Variants in VPS13B observed in about 807,000 individuals in gnomAD.
VPS13B encodes the protein vacuolar protein sorting 13 homolog B.
VPS13B carries 285 observed loss-of-function variants against 426.4 expected under a neutral mutation model. The ratio of observed to expected loss-of-function variants is 0.67; its 90% CI spans 0.61 to 0.74. The LOEUF is 0.74. Among genes scored for constraint, VPS13B ranks in the 30% least tolerant of loss-of-function variants. The pLI is 0.00. For missense variants in VPS13B, 4,537 were observed against 4,782.6 expected (o/e 0.95, Z 1.51); for synonymous variants, 1,676 against 1,676.4 (o/e 1.00, Z 0.01).
At chr8:99,198,838 CT>C (rs538443493) in intron 17 of VPS13B, among the ~76,000 whole-genome samples, 4 of 151,246 alleles carry the variant, frequency 2.6e-5, no homozygotes, top group African/African-American at 7.3e-5. Context: ...GTTTTCTTGT[CT>C]TTTTTCCCCC....
chr8:99,385,635 T>C (rs773340240), intron 20 of VPS13B, among the ~76,000 whole-genome samples: 5 of 152,150 alleles, frequency 3.3e-5, no homozygotes, highest in Admixed American at 6.5e-5. Flanking sequence ...GAGTATTTAG[T>C]GTATTTGAGA....
intron 36 of VPS13B, among the ~76,000 whole-genome samples, chr8:99,704,524 A>G (rs995197334): frequency 1.3e-5 from 2 of 152,198 alleles, no homozygotes; most frequent in Admixed American, 1.3e-4. Context: ...TAACCAGCCA[A>G]TTACAGCACC....
intron 15 of VPS13B, among the ~76,000 whole-genome samples, chr8:99,162,296 A>G (rs1483487952): frequency 1.3e-5 from 2 of 152,228 alleles, no homozygotes; most frequent in Non-Finnish European, 2.9e-5. Context: ...GTAGTACAGT[A>G]GAGGATTCGT....
chr8:99,856,020 G>GCTCC (rs973779154), intron 56 of VPS13B, among the ~76,000 whole-genome samples: 4 of 152,188 alleles, frequency 2.6e-5, no homozygotes, highest in African/African-American at 9.7e-5. Flanking sequence ...AAGGACGAAG[G>GCTCC]CTCCCATTCA....
intron 19 of VPS13B, among the ~76,000 whole-genome samples, chr8:99,293,122 C>T (rs974195200): frequency 3.3e-5 from 5 of 150,902 alleles, no homozygotes; most frequent in Non-Finnish European, 5.9e-5. Context: ...GGAGGCATCA[C>T]ACTACCTGAC....
At chr8:99,725,884 A>C (rs1462255591) in intron 39 of VPS13B, among the ~76,000 whole-genome samples, 2 of 152,214 alleles carry the variant, frequency 1.3e-5, no homozygotes, top group African/African-American at 4.8e-5. Flanking sequence ...CTTAAACAGT[A>C]GCTAATTCTT....
At chr8:99,239,698 CT>C (rs11336109) in intron 17 of VPS13B, among the ~76,000 whole-genome samples, 109,729 of 151,782 alleles carry the variant, frequency 0.72, 40,325 homozygotes, top group Middle Eastern at 0.83. Flanking sequence ...CAGAGTCAAT[CT>C]AAAGCATCTA....
chr8:99,134,218 T>G (rs1330627870), intron 8 of VPS13B, among the ~76,000 whole-genome samples: 2 of 152,158 alleles, frequency 1.3e-5, no homozygotes, highest in Non-Finnish European at 2.9e-5. Flanking sequence ...CACCACTTTC[T>G]TTTTTATTTC....
chr8:99,593,019 C>T (rs943854027), intron 33 of VPS13B, among the ~76,000 whole-genome samples: 36 of 152,042 alleles, frequency 2.4e-4, no homozygotes, highest in African/African-American at 7.5e-4. Flanking sequence ...GATTTCATGA[C>T]GAAGATGCCG....
intron 27 of VPS13B, among the ~76,000 whole-genome samples, chr8:99,504,043 G>A (rs1300682205): frequency 2.0e-5 from 3 of 152,098 alleles, no homozygotes; most frequent in Non-Finnish European, 4.4e-5. Context: ...TTGGAGGTTG[G>A]GCCTAGTGGG....
At chr8:99,165,945 AC>A (rs1469432982) in intron 15 of VPS13B, among the ~76,000 whole-genome samples, 5 of 152,316 alleles carry the variant, frequency 3.3e-5, no homozygotes, top group African/African-American at 1.2e-4. Flanking sequence ...ATAATTGAGT[AC>A]AGTTTTTGGG....
At chr8:99,472,214 T>C (rs1253075349) in intron 24 of VPS13B, among the ~76,000 whole-genome samples, 1 of 152,034 alleles carries the variant, frequency 6.6e-6, no homozygotes, top group Non-Finnish European at 1.5e-5. Context: ...TAAAAATAAA[T>C]AATTGAAGAT....
intron 33 of VPS13B, among the ~76,000 whole-genome samples, chr8:99,587,075 T>C (rs1422633249): frequency 1.3e-5 from 2 of 152,170 alleles, no homozygotes; most frequent in Non-Finnish European, 2.9e-5. Context: ...ATGCAGTGTT[T>C]GGTTTTCTGT....
chr8:99,798,612 G>A (rs1812976458), intron 43 of VPS13B, among the ~76,000 whole-genome samples: 2 of 152,208 alleles, frequency 1.3e-5, no homozygotes, highest in African/African-American at 4.8e-5. Flanking sequence ...CTGCATGAAA[G>A]AGAATGGGGA....
chr8:99,865,017 T>C (rs1328046138), intron 58 of VPS13B, among the ~76,000 whole-genome samples: 1 of 152,190 alleles, frequency 6.6e-6, no homozygotes, highest in Non-Finnish European at 1.5e-5. Context: ...TATGAGGCCC[T>C]TGAAAATTAA....
chr8:99,050,523 G>A (rs998170792), intron 3 of VPS13B, among the ~76,000 whole-genome samples: 14 of 152,182 alleles, frequency 9.2e-5, no homozygotes, highest in African/African-American at 3.1e-4. Flanking sequence ...ATAGCAGCAT[G>A]ATTTATAATA....
chr8:99,846,358 A>G (rs1815983576), intron 54 of VPS13B, among the ~76,000 whole-genome samples: 1 of 152,172 alleles, frequency 6.6e-6, no homozygotes, highest in African/African-American at 2.4e-5. Flanking sequence ...GTAGGATTGC[A>G]TCTTCTCTGT....
At chr8:99,507,301 T>C (rs1821554800) in intron 28 of VPS13B, 98 bp downstream of exon 28, 1 of 1,310,854 alleles carries the variant, frequency 7.6e-7, no homozygotes, top group African/African-American at 1.5e-5. Context: ...AGAATTTGAG[T>C]TCAGAATAAA....
chr8:99,753,150 A>G (rs911607753), intron 39 of VPS13B, among the ~76,000 whole-genome samples: 1 of 152,222 alleles, frequency 6.6e-6, no homozygotes, highest in East Asian at 1.9e-4. Flanking sequence ...CACATGTAGT[A>G]TGCATTTTAA....
Sources: gnomAD v4.1 joint callset for allele counts (sites outside exome capture counted in the v4.1 genomes callset) on GRCh38, gnomAD v4.1.1 for gene constraint, MANE v1.5 for transcripts, NCBI Gene and HGNC (gene_info 2026-07-23, HGNC 2026-07-21) for gene names.